CTTN: variants seen among roughly 807,000 people sequenced by gnomAD.
CTTN encodes cortactin.
A neutral mutation model predicts 84.0 loss-of-function variants in CTTN; 28 were observed. That is an observed-to-expected ratio of 0.33 (90% CI 0.25 to 0.46). The LOEUF is 0.46. Among genes scored for constraint, CTTN ranks in the 20% least tolerant of loss-of-function variants. The pLI, the probability that CTTN is intolerant of heterozygous loss-of-function variation, is 1.00. For missense variants in CTTN, 641 were observed against 723.8 expected, an observed-to-expected ratio of 0.89 and a Z score of 1.31; for synonymous variants, 301 against 288.8, an observed-to-expected ratio of 1.04 and a Z score of -0.43.
intron 15 of CTTN, 150 bp from the exon 16 acceptor site, chr11:70,432,951 C>T: frequency 1.3e-6 from 1 of 785,344 alleles, no homozygotes; most frequent in Non-Finnish European, 2.0e-6. Context: ...ACCGGCAGGC[C>T]TGGCCTTCCT....
At chr11:70,426,734 G>A (rs1233153349) in intron 13 of CTTN, among the ~76,000 whole-genome samples, 5 of 151,590 alleles carry the variant, frequency 3.3e-5, no homozygotes, top group African/African-American at 7.3e-5. Context: ...GACTACAGGC[G>A]CCTGCCACCA....
chr11:70,433,739 CT>C, intron 17 of CTTN, 21 bp downstream of exon 17: 1 of 1,575,978 alleles, frequency 6.3e-7, no homozygotes, highest in Non-Finnish European at 8.7e-7. Flanking sequence ...TGCAAAAGCA[CT>C]TGGAGGGGAG....
chr11:70,423,083 G>A (rs953716980), intron 12 of CTTN, 88 bp downstream of exon 12: 5 of 1,470,746 alleles, frequency 3.4e-6, no homozygotes, highest in South Asian at 2.3e-5. Flanking sequence ...ACATCCACGC[G>A]CTGGGGTGGG....
intron 4 of CTTN, among the ~76,000 whole-genome samples, chr11:70,409,171 G>C (rs527935276): frequency 9.2e-5 from 14 of 152,164 alleles, no homozygotes; most frequent in African/African-American, 2.7e-4. Flanking sequence ...GATGTCAAAG[G>C]TGGCGTCCTG....
At chr11:70,403,765 T>G (rs746161744) in intron 1 of CTTN, among the ~76,000 whole-genome samples, 13 of 152,208 alleles carry the variant, frequency 8.5e-5, no homozygotes, top group Non-Finnish European at 1.9e-4. Flanking sequence ...ACAATCAAAC[T>G]TATTTCCTAT....
chr11:70,414,763 G>T, intron 6 of CTTN, 111 bp downstream of exon 6: 1 of 739,196 alleles, frequency 1.4e-6, no homozygotes, highest in Non-Finnish European at 2.4e-6. Context: ...CTCCAGCTCT[G>T]GGGGACTGCA....
At chr11:70,425,122 G>A (rs1459473042) in intron 12 of CTTN, among the ~76,000 whole-genome samples, 1 of 152,172 alleles carries the variant, frequency 6.6e-6, no homozygotes, top group Non-Finnish European at 1.5e-5. Flanking sequence ...TTATGCTAAT[G>A]CTGACCCACG....
intron 5 of CTTN, among the ~76,000 whole-genome samples, chr11:70,413,470 T>G (rs2058118487): frequency 6.6e-6 from 1 of 152,188 alleles, no homozygotes; most frequent in Admixed American, 6.5e-5. Context: ...AGAGGGTCTC[T>G]CAATAGAACT....
chr11:70,411,794 G>A (rs2058099301), intron 5 of CTTN, among the ~76,000 whole-genome samples: 1 of 152,112 alleles, frequency 6.6e-6, no homozygotes, highest in African/African-American at 2.4e-5. Flanking sequence ...TCTCCTGTGC[G>A]GTCTCCACAG....
chr11:70,407,276 C>A (rs1405615992), intron 2 of CTTN, 22 bp from the exon 3 acceptor site: 3 of 1,548,632 alleles, frequency 1.9e-6, no homozygotes, highest in Non-Finnish European at 2.6e-6. Context: ...GCCTCCGTAA[C>A]CCTCCCCGGC....
intron 1 of CTTN, among the ~76,000 whole-genome samples, chr11:70,399,184 G>A (rs903853987): frequency 5.3e-5 from 8 of 151,490 alleles, no homozygotes; most frequent in African/African-American, 1.9e-4. Flanking sequence ...GGAGGTGTCT[G>A]GGTGCAGAGG....
rs2058030045 is a variant in CTTN at position 70,405,338 on chromosome 11, T to A, written c.-24T>A. On this transcript the variant is annotated 5_prime_UTR_variant, in exon 2 of 18. Transcript: ENST00000301843. ...TTTAAACAGAATTTCGTGAACAGCCTTTTATCTCCAAGCGGAAAGAAAGGT... is the reference window on the plus strand; with the variant it reads ...TTTAAACAGAATTTCGTGAACAGCCATTTATCTCCAAGCGGAAAGAAAGGT... The A allele has an allele frequency of 6.6e-6, 1 of 152,152 alleles. No homozygotes were observed. The highest frequency in any genetic ancestry group is 2.4e-5 in the African/African-American group (1 of 41,428). 9.4% of individuals were successfully genotyped at this position (152,152 alleles called of 1,614,324 possible).
intron 1 of CTTN, among the ~76,000 whole-genome samples, chr11:70,399,416 G>T (rs1328758093): frequency 2.6e-5 from 4 of 151,990 alleles, no homozygotes; most frequent in African/African-American, 9.7e-5. Flanking sequence ...AAGGCGGTTG[G>T]GGTGCGCGAC....
At chr11:70,422,505 AAAGC>A in intron 11 of CTTN, 2 of 1,290,074 alleles carry the variant, frequency 1.6e-6, no homozygotes, top group Non-Finnish European at 2.0e-6. Flanking sequence ...TTTCTCTTAA[AAAGC>A]AAGAGAACAA....
rs2058415144 is a variant in CTTN, at chr11:70,436,150, T to C, written c.*988T>C. ...GTGTAGTATTTTTGCCAAAATATCA[T>C]GTTCAATTTCAGTAGTTTGATCAGT... On this transcript the variant is annotated 3_prime_UTR_variant, in exon 18 of 18. Transcript: ENST00000301843. 2.8e-6 allele frequency: 4 copies of C among 1,452,462 alleles called. No homozygotes were observed. The highest frequency in any genetic ancestry group is 3.6e-6 in the Non-Finnish European group (4 of 1,109,666). The allele number at this position is 1,452,462 out of a possible 1,614,324, so 90.0% of individuals were successfully genotyped here. A position where few individuals can be genotyped will look rare whatever the true frequency, so the allele number is the denominator to read the frequency against.
intron 7 of CTTN, among the ~76,000 whole-genome samples, chr11:70,416,476 G>A (rs552696430): frequency 6.6e-6 from 1 of 152,218 alleles, no homozygotes; most frequent in African/African-American, 2.4e-5. Context: ...CTGTTGCCCA[G>A]GCTGGAGTGC....
At chr11:70,428,642 T>TA (rs1260054111) in intron 13 of CTTN, among the ~76,000 whole-genome samples, 1 of 152,152 alleles carries the variant, frequency 6.6e-6, no homozygotes, top group Non-Finnish European at 1.5e-5. Context: ...ACACACAATA[T>TA]AAAAAAATGT....
At chr11:70,423,732 G>A (rs924906840) in intron 12 of CTTN, among the ~76,000 whole-genome samples, 5 of 152,186 alleles carry the variant, frequency 3.3e-5, no homozygotes, top group Non-Finnish European at 5.9e-5. Flanking sequence ...TGGGGAGCGG[G>A]GATAGAGCTG....
chr11:70,422,522 T>A (rs2058249628), intron 11 of CTTN: 1 of 1,291,840 alleles, frequency 7.7e-7, no homozygotes, highest in Non-Finnish European at 1.0e-6. Flanking sequence ...GAGAACAAAC[T>A]GCGATTGAGC....
Sources: allele counts gnomAD v4.1 joint callset (sites outside exome capture counted in the v4.1 genomes callset), GRCh38; gene constraint gnomAD v4.1.1; transcripts MANE v1.5; gene names NCBI Gene and HGNC (gene_info 2026-07-23, HGNC 2026-07-21).